Variants in TMCO1 observed in about 807,000 individuals in gnomAD.
TMCO1 encodes transmembrane and coiled-coil domains 1.
A neutral mutation model predicts 29.3 loss-of-function variants in TMCO1; 29 were observed. That is an observed-to-expected ratio of 0.99 (90% CI 0.74 to 1.35). The LOEUF (loss-of-function observed/expected upper bound fraction) is 1.35, where lower values mean the gene tolerates loss of function less well. TMCO1 is among the 40% of genes most tolerant of loss of function. The pLI is 0.00. For missense variants in TMCO1, 173 were observed against 225.5 expected (o/e 0.77, Z 1.49); for synonymous variants, 80 against 77.1 (o/e 1.04, Z -0.20).
chr1:165,724,795 G>A (rs747564894), downstream of TMCO1: 24 of 453,646 alleles, frequency 5.3e-5, no homozygotes, highest in South Asian at 3.7e-4. Flanking sequence ...ATTTTCTTAG[G>A]TGTAAAAATG....
chr1:165,734,931 A>G (rs529969649), intron 6 of TMCO1, among the ~76,000 whole-genome samples: 1 of 152,370 alleles, frequency 6.6e-6, no homozygotes, highest in East Asian at 1.9e-4. Context: ...AAAATAGGGT[A>G]GAAAACGGAA....
At chr1:165,768,137 T>C (rs967492344) in intron 2 of TMCO1, 55 bp downstream of exon 2, 8 of 1,381,076 alleles carry the variant, frequency 5.8e-6, no homozygotes, top group South Asian at 1.2e-5. Flanking sequence ...ATTGTGAACA[T>C]GGACTTAATG....
chr1:165,753,095 T>G (rs1652060384), intron 4 of TMCO1, among the ~76,000 whole-genome samples: 2 of 152,180 alleles, frequency 1.3e-5, no homozygotes, highest in African/African-American at 4.8e-5. Flanking sequence ...AGCCTACTCT[T>G]AATAAATAAT....
intron 6 of TMCO1, among the ~76,000 whole-genome samples, chr1:165,742,266 C>A (rs546990220): frequency 6.1e-5 from 9 of 147,972 alleles, no homozygotes; most frequent in East Asian, 2.0e-4. Flanking sequence ...TCGGCTCCCC[C>A]CCTTTTCTTT....
At chr1:165,768,607 C>T in intron 1 of TMCO1, 75 bp downstream of exon 1, 2 of 1,611,302 alleles carry the variant, frequency 1.2e-6, no homozygotes, top group Non-Finnish European at 1.7e-6. Flanking sequence ...GCGATCTTTC[C>T]CCTGGTGGCA....
rs760783250 is a variant in TMCO1, at chr1:165,768,837, A to C, written c.-86T>G. ...AGTGAAGCGAAAACGGCTTCCGTAG[A>C]CTCCGCCACCACCGAGTAACAGACC... On this transcript the variant is annotated 5_prime_UTR_variant, in exon 1 of 7. Coordinates refer to ENST00000367881, the MANE Select transcript of TMCO1 (RefSeq NM_019026.6). The C allele has an allele frequency of 6.3e-7, 1 of 1,593,286 alleles. No homozygotes were observed. Among genetic ancestry groups the C allele is most frequent in the East Asian group, 2.3e-5 (1 of 44,380 alleles).
chr1:165,765,897 T>C (rs2101818460), intron 2 of TMCO1, among the ~76,000 whole-genome samples: 1 of 152,336 alleles, frequency 6.6e-6, no homozygotes, highest in South Asian at 2.1e-4. Flanking sequence ...AAGATTATTC[T>C]GGCTGTCATC....
At chr1:165,756,410 A>T (rs976695378) in intron 3 of TMCO1, among the ~76,000 whole-genome samples, 1 of 152,152 alleles carries the variant, frequency 6.6e-6, no homozygotes, top group Admixed American at 6.6e-5. Context: ...GCCTTCCTGT[A>T]ACCACTTAGT....
downstream of TMCO1, chr1:165,724,584 T>C (rs750581465): frequency 3.7e-5 from 17 of 454,098 alleles, no homozygotes; most frequent in South Asian, 2.5e-4. Flanking sequence ...TCACCAGCTC[T>C]GGGGTGGGGC....
intron 5 of TMCO1, among the ~76,000 whole-genome samples, chr1:165,751,795 GAGA>G (rs1038999628): frequency 6.6e-6 from 1 of 151,592 alleles, no homozygotes; most frequent in Non-Finnish European, 1.5e-5. Context: ...GAAATATACA[GAGA>G]AGTAGTTATG....
intron 6 of TMCO1, among the ~76,000 whole-genome samples, chr1:165,739,948 T>C (rs1651527818): frequency 6.6e-6 from 1 of 151,654 alleles, no homozygotes; most frequent in African/African-American, 2.4e-5. Context: ...CTGTCTCTAC[T>C]AAAAATATAA....
chr1:165,749,216 ATAAG>A (rs1040971555), intron 5 of TMCO1, among the ~76,000 whole-genome samples: 3 of 152,156 alleles, frequency 2.0e-5, no homozygotes, highest in African/African-American at 7.2e-5. Flanking sequence ...TTTATTCTAT[ATAAG>A]TGTTTGAATT....
chr1:165,725,039 TATATATATAA>T (rs767866412), downstream of TMCO1: 1,539 of 237,576 alleles, frequency 6.5e-3, 30 homozygotes, highest in African/African-American at 0.026. Flanking sequence ...TATATATATA[TATATATATAA>T]AATAGTGTAT....
At position 165,743,119 on chromosome 1, in the gene TMCO1, G is replaced by A. The variant is rs1480548769; in HGVS notation, c.468+48C>T. The A allele has an allele frequency of 2.5e-6, 4 of 1,605,920 alleles. No homozygotes were observed. The African/African-American group carries it at 5.4e-5, about 21-fold the overall frequency. ...TATAAAAGTAAAAGCTAATTGGTAT[G>A]ACAGCAAGGAAAAATATACATATTA... On this transcript the variant is annotated intron_variant, in intron 6 of 6. Coordinates refer to ENST00000367881, the MANE Select transcript of TMCO1 (RefSeq NM_019026.6).
At chr1:165,757,861 C>T (rs1571228567) in intron 3 of TMCO1, among the ~76,000 whole-genome samples, 2 of 152,314 alleles carry the variant, frequency 1.3e-5, no homozygotes. Flanking sequence ...TTCAAGGTTA[C>T]ACTCCATGTT....
At chr1:165,743,751 T>C (rs1045669414) in intron 5 of TMCO1, among the ~76,000 whole-genome samples, 1 of 152,054 alleles carries the variant, frequency 6.6e-6, no homozygotes, top group Non-Finnish European at 1.5e-5. Context: ...CCTCCCGGGT[T>C]CAAGCGATAT....
intron 2 of TMCO1, among the ~76,000 whole-genome samples, chr1:165,766,646 G>A (rs989062912): frequency 1.3e-5 from 2 of 152,062 alleles, no homozygotes; most frequent in Non-Finnish European, 2.9e-5. Flanking sequence ...CAGTCATGGT[G>A]GTGTGCATCT....
intron 4 of TMCO1, among the ~76,000 whole-genome samples, chr1:165,753,811 TAAAAAAG>T (rs72277704): frequency 0.013 from 2,003 of 151,758 alleles, 55 homozygotes; most frequent in African/African-American, 0.047. Flanking sequence ...ATCCTGTCTC[TAAAAAAG>T]AAAAAAGAAA....
intron 6 of TMCO1, among the ~76,000 whole-genome samples, chr1:165,734,171 C>T (rs1571211362): frequency 2.0e-5 from 3 of 152,332 alleles, no homozygotes; most frequent in Admixed American, 6.5e-5. Flanking sequence ...AATCTAATCA[C>T]TTCAAAACGA....
Sources: gnomAD v4.1 joint callset for allele counts (sites outside exome capture counted in the v4.1 genomes callset) on GRCh38, gnomAD v4.1.1 for gene constraint, MANE v1.5 for transcripts, NCBI Gene and HGNC (gene_info 2026-07-23, HGNC 2026-07-21) for gene names.